REN: variants seen among roughly 807,000 people sequenced by gnomAD.
The protein encoded by REN is angiotensin-forming enzyme.
A neutral mutation model predicts 48.6 loss-of-function variants in REN; 42 were observed. That is an observed-to-expected ratio of 0.86 (90% confidence interval 0.68 to 1.12). The LOEUF (loss-of-function observed/expected upper bound fraction) is 1.12. Among genes scored for constraint, REN ranks in the 50% most tolerant of loss-of-function variants. The pLI is 0.00. For synonymous variants in REN, 196 were observed against 204.6 expected, an observed-to-expected ratio of 0.96 and a Z score of 0.36; for missense variants, 443 against 527.3, an observed-to-expected ratio of 0.84 and a Z score of 1.57.
intron 1 of REN, 116 bp downstream of exon 1, chr1:204,166,080 T>A: frequency 2.4e-6 from 2 of 846,006 alleles, no homozygotes; most frequent in South Asian, 2.8e-5. Context: ...GGTCCATACT[T>A]CCCTGTCCAG....
rs1282945356 is a variant in REN, at chr1:204,156,054, T to A, written c.960+124A>T. On this transcript the variant is annotated intron_variant, in intron 8 of 9. Coordinates refer to ENST00000272190, the MANE Select transcript of REN (RefSeq NM_000537.4). This position sits in a 1 kb window ranked among gnomAD's most constrained non-coding sequence, Gnocchi z 4.2. ...CCCGCCCCATGGGTGACCAGCCACA[T>A]GTGTGGAGAGTGTGAGGTGAACAAG... 16 of 1,487,092 alleles carry A rather than the reference T, an allele frequency of 1.1e-5. No homozygotes were observed. Among genetic ancestry groups the A allele is most frequent in the Non-Finnish European group, 1.4e-5 (15 of 1,067,166 alleles). The allele number at this position is 1,487,092 out of a possible 1,614,324, so 92.1% of individuals were successfully genotyped here.
In REN at chr1:204,156,827, C is replaced by A; in HGVS notation, c.699-31G>T. The A allele has an allele frequency of 6.2e-7, 1 of 1,612,410 alleles. No homozygotes were observed. The highest frequency in any genetic ancestry group is 8.5e-7 in the Non-Finnish European group (1 of 1,180,008). On this transcript the variant is annotated intron_variant, in intron 6 of 9. Coordinates refer to ENST00000272190, the MANE Select transcript of REN (RefSeq NM_000537.4). This position sits in a 1 kb window ranked among gnomAD's most constrained non-coding sequence, Gnocchi z 4.2. ...GGAAAGATCAGAAGCTCTTGGAAAC[C>A]CATAACCTCCAGGACCCAGCAACTC...
chr1:204,164,042 T>C (rs1344338029), intron 1 of REN, among the ~76,000 whole-genome samples: 1 of 152,212 alleles, frequency 6.6e-6, no homozygotes, highest in Non-Finnish European at 1.5e-5. Flanking sequence ...GCTCTGCACA[T>C]AGCGGGTAGC....
At chr1:204,157,452 A>G in intron 5 of REN, 83 bp from the exon 6 acceptor site, 1 of 1,588,226 alleles carries the variant, frequency 6.3e-7, no homozygotes, top group Non-Finnish European at 8.6e-7. Flanking sequence ...GGTGGGTGTT[A>G]TGTACTCTCT....
Position 204,159,452 on chromosome 1 carries a change from G to A in REN, c.636C>T (p.Asn212=). ...AIGRVTPIFD[N]IISQGVLKED... ...CTTTTAGCACCCCTTGGGAGATGAT[G>A]TTGTCGAAGATAGGGGTGACCCTGC... Residue 212 remains asparagine, a synonymous_variant, in exon 5 of 10, where the codon AAC becomes AAT. Transcript: ENST00000272190. 9.9e-6 allele frequency: 16 copies of A among 1,614,166 alleles called. No homozygotes were observed. Among genetic ancestry groups the A allele is most frequent in the Non-Finnish European group, 1.4e-5 (16 of 1,180,044 alleles).
intron 5 of REN, among the ~76,000 whole-genome samples, chr1:204,157,603 T>G (rs1386262660): frequency 3.9e-5 from 6 of 152,206 alleles, no homozygotes. Context: ...CCTTTCCTCC[T>G]CACTGCACTT....
Position 204,155,895 on chromosome 1 carries a change from G to T in REN, c.984C>A (p.Gly328=). 2 of 1,613,938 alleles carry T rather than the reference G, an allele frequency of 1.2e-6. No homozygotes were observed. The highest frequency in any genetic ancestry group is 1.7e-6 in the Non-Finnish European group (2 of 1,179,910). The part of the protein sequence containing the change: ...LFDYVVKCNE[G]PTLPDISFHL... ...GGAAAGAGATGTCGGGGAGTGTAGG[G>T]CCCTCGTTACACTTCACGACATACT... Residue 328 remains glycine, a synonymous_variant, in exon 9 of 10, where the codon GGC becomes GGA. Coordinates refer to ENST00000272190, the MANE Select transcript of REN (RefSeq NM_000537.4).
At chr1:204,158,927 C>T (rs559659392) in intron 5 of REN, among the ~76,000 whole-genome samples, 37 of 152,290 alleles carry the variant, frequency 2.4e-4, no homozygotes, top group Non-Finnish European at 4.3e-4. Context: ...AGCAAACAAA[C>T]GAATGAAGGA....
At chr1:204,155,779 G>T in intron 9 of REN, 41 bp downstream of exon 9, 1 of 1,428,658 alleles carries the variant, frequency 7.0e-7, no homozygotes, top group Non-Finnish European at 9.8e-7. Flanking sequence ...TCTCTGTCCA[G>T]CCTTTCTCCC....
intron 2 of REN, among the ~76,000 whole-genome samples, chr1:204,161,658 G>A (rs1658248510): frequency 6.6e-6 from 1 of 152,126 alleles, no homozygotes. Flanking sequence ...GAAGCAGGAA[G>A]CAAACTTGAC....
At chr1:204,163,300 T>C (rs1055925045) in intron 1 of REN, among the ~76,000 whole-genome samples, 2 of 152,230 alleles carry the variant, frequency 1.3e-5, no homozygotes, top group African/African-American at 2.4e-5. Flanking sequence ...ATTTTGCCCA[T>C]GAACATGAAT....
In REN at chr1:204,156,898, G is replaced by T. The variant is rs1658160966; in HGVS notation, c.699-102C>A. On this transcript the variant is annotated intron_variant, in intron 6 of 9. Transcript: ENST00000272190. This position sits in a 1 kb window ranked among gnomAD's most constrained non-coding sequence, Gnocchi z 4.2. ...ACAAGGGTGCAGGGGAGGACAGAGG[G>T]CTCTAGAGCAGAGGAATGTGGGACA... The T allele has an allele frequency of 6.9e-7, 1 of 1,449,570 alleles. No homozygotes were observed. Among genetic ancestry groups the T allele is most frequent in the Non-Finnish European group, 9.6e-7 (1 of 1,043,722 alleles). The allele number at this position is 1,449,570 out of a possible 1,614,324, so 89.8% of individuals were successfully genotyped here.
rs757872490 is a variant in REN at position 204,155,028 on chromosome 1, G to C, written c.1209C>G (p.Ala403=). 6.2e-7 allele frequency: 1 copy of C among 1,614,054 alleles called. No individual in the cohort carries two copies. Among genetic ancestry groups the C allele is most frequent in the South Asian group, 1.1e-5 (1 of 91,090 alleles). The change falls in exon 10 of 10, where the codon GCC becomes GCG. Residue 403 remains alanine (A), a synonymous_variant. Coordinates refer to ENST00000272190, the MANE Select transcript of REN (RefSeq NM_000537.4). ...FDRRNNRIGF[A]LAR is the part of the protein sequence containing the mutation. Reference sequence around the variant, plus strand: ...GTGGCAGAGGGCCTCAGCGGGCCAAGGCGAAGCCAATGCGGTTGTTACGCC... The same window carrying C: ...GTGGCAGAGGGCCTCAGCGGGCCAACGCGAAGCCAATGCGGTTGTTACGCC...
chr1:204,156,190 C>G lies in REN; in HGVS notation c.948G>C (p.Lys316Asn), dbSNP rs1311159103. 1 of 1,614,138 alleles carries G rather than the reference C, an allele frequency of 6.2e-7. No homozygotes were observed. The highest frequency in any genetic ancestry group is 1.3e-5 in the African/African-American group (1 of 74,944). Residue 316 changes from lysine to asparagine, a missense_variant, in exon 8 of 10, where the codon AAG (lysine) becomes AAC (asparagine). By Grantham distance (94) the Lys-to-Asn change is moderately conservative. Coordinates refer to ENST00000272190, the MANE Select transcript of REN (RefSeq NM_000537.4). This position sits in a 1 kb window ranked among gnomAD's most constrained non-coding sequence, Gnocchi z 4.2. ...EKLMEALGAK[K>N]RLFDYVVKCN... The stretch of plus-strand genomic sequence containing the variant: ...TTTGGCTTCTTACATCAAACAGCCT[C>G]TTCTTGGCTCCCAAGGCCTCCATGA...
chr1:204,161,665 T>G (rs1658248553), intron 2 of REN, among the ~76,000 whole-genome samples: 1 of 151,918 alleles, frequency 6.6e-6, no homozygotes, highest in African/African-American at 2.4e-5. Context: ...GAAGCAAACT[T>G]GACTCTTGAG....
rs780253159 is a variant in REN, at chr1:204,160,560, G to C, written c.492C>G (p.Thr164=). ...VSGFLSQDII[T]VGGITVTQMF... is the part of the protein sequence containing the mutation. ...GATGACCTAGGGCGGCCCAACTTAC[G>C]GTGATGATGTCCTGGCTGAGAAAGC... is the stretch of plus-strand genomic sequence containing the variant. Residue 164 remains threonine, a splice_region_variant and synonymous_variant, in exon 4 of 10, where the codon ACC becomes ACG. Transcript: ENST00000272190. 1 of 1,609,896 alleles carries C rather than the reference G, an allele frequency of 6.2e-7. No individual in the cohort carries two copies. The highest frequency in any genetic ancestry group is 8.5e-7 in the Non-Finnish European group (1 of 1,176,084).
chr1:204,164,977 CTTT>C (rs879485595), intron 1 of REN, among the ~76,000 whole-genome samples: 1 of 144,610 alleles, frequency 6.9e-6, no homozygotes. Context: ...TTTTTTCTTT[CTTT>C]TTTTTTTTTA....
chr1:204,164,565 C>CTTTTTTTTTTTTTTTT (rs748060874), intron 1 of REN, among the ~76,000 whole-genome samples: 1 of 93,694 alleles, frequency 1.1e-5, no homozygotes, highest in Non-Finnish European at 1.9e-5. Flanking sequence ...CTTCTTCAGT[C>CTTTTTTTTTTTTTTTT]TTTTTTTTTT....
chr1:204,163,608 G>A (rs915718298), intron 1 of REN, among the ~76,000 whole-genome samples: 2 of 150,866 alleles, frequency 1.3e-5, no homozygotes, highest in Non-Finnish European at 3.0e-5. Context: ...CAGTTCTTTA[G>A]TCCTCCAAGG....
Sources: gnomAD v4.1 joint callset for allele counts (sites outside exome capture counted in the v4.1 genomes callset) on GRCh38, gnomAD v4.1.1 for gene constraint, Gnocchi (gnomAD v3.1) non-coding constraint, MANE v1.5 for transcripts, NCBI Gene and HGNC (gene_info 2026-07-23, HGNC 2026-07-21) for gene names.